PCNX2: variants seen among roughly 807,000 people sequenced by gnomAD.
PCNX2 encodes the protein pecanex-like protein 2.
PCNX2 carries 168 observed loss-of-function variants against 223.8 expected under a neutral mutation model. The ratio of observed to expected loss-of-function variants is 0.75; its 90% CI spans 0.66 to 0.85. PCNX2 has a LOEUF of 0.85. Among genes scored for constraint, PCNX2 ranks in the 40% least tolerant of loss-of-function variants. The probability of loss-of-function intolerance (pLI) is 0.00; values close to 1 mark genes in which losing one functional copy is unlikely to be tolerated. For synonymous variants in PCNX2, 1,006 were observed against 1,052.6 expected, an observed-to-expected ratio of 0.96 and a Z score of 0.86; for missense variants, 2,507 against 2,675.5, an observed-to-expected ratio of 0.94 and a Z score of 1.39.
intron 25 of PCNX2, among the ~76,000 whole-genome samples, chr1:233,043,442 C>T (rs61823474): frequency 6.6e-6 from 1 of 152,082 alleles, no homozygotes; most frequent in East Asian, 1.9e-4. Context: ...TTGTAGGGTA[C>T]ATGTGCACAA....
At chr1:233,163,682 T>A (rs1009938842) in intron 17 of PCNX2, among the ~76,000 whole-genome samples, 1 of 151,894 alleles carries the variant, frequency 6.6e-6, no homozygotes, top group Non-Finnish European at 1.5e-5. Context: ...CTCTTTTGCT[T>A]CTTCCTAATC....
chr1:233,305,703 T>C, the PCNX2 span, among the ~76,000 whole-genome samples: 66 of 152,284 alleles, frequency 4.3e-4, no homozygotes, highest in Admixed American at 2.9e-3. Flanking sequence ...CATCCACCAA[T>C]CTTGGCCTCA....
At chr1:233,064,739 A>C (rs182791617) in intron 23 of PCNX2, among the ~76,000 whole-genome samples, 48 of 152,060 alleles carry the variant, frequency 3.2e-4, no homozygotes, top group African/African-American at 1.1e-3. Context: ...TCTAGGAGGA[A>C]TTTTACCATC....
intron 17 of PCNX2, among the ~76,000 whole-genome samples, chr1:233,174,801 G>A (rs74145092): frequency 0.023 from 3,504 of 152,190 alleles, 136 homozygotes; most frequent in African/African-American, 0.079. Context: ...AACCATTAGC[G>A]GAAAGTTTAT....
intron 1 of PCNX2, among the ~76,000 whole-genome samples, chr1:233,280,978 A>ATCG (rs1469680479): frequency 3.9e-5 from 2 of 51,750 alleles, no homozygotes; most frequent in Non-Finnish European, 8.1e-5. Context: ...CACCATCATG[A>ATCG]TCATCATCAT....
chr1:233,079,751 C>T (rs980875495), intron 23 of PCNX2, among the ~76,000 whole-genome samples: 1 of 152,046 alleles, frequency 6.6e-6, no homozygotes, highest in African/African-American at 2.4e-5. Flanking sequence ...GTCCCTCGGC[C>T]CAGCCTTCCT....
In PCNX2 at chr1:233,022,924, C is replaced by A. The variant is rs186344663; in HGVS notation, c.4605+2222G>T. On this transcript the variant is annotated intron_variant, in intron 26 of 33. Transcript: ENST00000258229. ...GTTGGTCAGGCTGGTCTTGAACTCC[C>A]GACCTCAAGTGATCTGCCTGCCTCG... 2.8e-3 allele frequency among the ~76,000 whole-genome samples: 423 copies of A among 152,052 alleles called. 1 individual carries two copies. The highest frequency in any genetic ancestry group is 6.8e-3 in the Middle Eastern group (2 of 294).
At chr1:233,025,494 G>A (rs1468834548) in intron 25 of PCNX2, 95 bp from the exon 26 acceptor site, 4 of 1,473,816 alleles carry the variant, frequency 2.7e-6, no homozygotes, top group East Asian at 2.3e-5. Context: ...GAGGGGAAGA[G>A]GCTGAAGGGA....
chr1:233,189,070 A>C (rs1680272809), intron 15 of PCNX2, among the ~76,000 whole-genome samples: 1 of 152,184 alleles, frequency 6.6e-6, no homozygotes, highest in South Asian at 2.1e-4. Context: ...ACTTTTAGCC[A>C]GGCACTTTAT....
At chr1:233,172,297 C>T (rs962238977) in intron 17 of PCNX2, 1 of 958,132 alleles carries the variant, frequency 1.0e-6, no homozygotes, top group Non-Finnish European at 1.2e-6. Flanking sequence ...GACAAGGCAA[C>T]CTTCTAGAAA....
chr1:233,100,967 G>T (rs1329569679), intron 21 of PCNX2, among the ~76,000 whole-genome samples: 1 of 152,114 alleles, frequency 6.6e-6, no homozygotes. Flanking sequence ...TGAACTTAAC[G>T]GGGTATACAA....
chr1:233,228,907 G>C (rs967434968), intron 9 of PCNX2, among the ~76,000 whole-genome samples: 3 of 152,186 alleles, frequency 2.0e-5, no homozygotes, highest in Admixed American at 1.3e-4. Flanking sequence ...TTAAGGTTAT[G>C]ATTTCCTCTA....
At chr1:233,160,251 T>C (rs765455764) in intron 19 of PCNX2, 32 bp downstream of exon 19, 3 of 1,594,458 alleles carry the variant, frequency 1.9e-6, no homozygotes, top group Admixed American at 1.7e-5. Context: ...CCCTCCTTTT[T>C]TTTTTTTTTA....
rs930802573 is a variant in PCNX2 at position 233,116,554 on chromosome 1, G to T, written c.3837+18459C>A. Among the ~76,000 whole-genome samples, 7 of 152,194 alleles carry T rather than the reference G, an allele frequency of 4.6e-5. No homozygotes were observed. In the South Asian group the frequency reaches 6.2e-4, roughly 14 times the overall value. ...AATGACATACTTCTAAATAATCCAT[G>T]GATCAAAGAGGAAGTCTTAAGGGGA... On this transcript the variant is annotated intron_variant, in intron 21 of 33. Transcript: ENST00000258229.
chr1:233,282,629 T>A (rs750718775), intron 1 of PCNX2, among the ~76,000 whole-genome samples: 14 of 152,146 alleles, frequency 9.2e-5, no homozygotes, highest in Non-Finnish European at 1.2e-4. Context: ...TTAAATCCTA[T>A]CAAAATCTAT....
intron 17 of PCNX2, among the ~76,000 whole-genome samples, chr1:233,164,363 T>C (rs886960812): frequency 2.0e-5 from 3 of 152,060 alleles, no homozygotes; most frequent in Non-Finnish European, 4.4e-5. Flanking sequence ...ACAGCCATTA[T>C]AGAAAGCAGT....
Position 232,991,986 on chromosome 1 carries a change from A to G in PCNX2, c.5792-5446T>C, listed in dbSNP as rs1205340379. ...GTGAACTGATTTAAGTTTAAATAAA[A>G]TCACTCTGACTTGCTTTGTGGAGAT... is the stretch of plus-strand genomic sequence containing the variant. On this transcript the variant is annotated intron_variant, in intron 32 of 33. Transcript: ENST00000258229. The surrounding 1 kb of genome is among the most constrained non-coding windows in gnomAD (Gnocchi z 4.3). Among the ~76,000 whole-genome samples the G allele has an allele frequency of 6.6e-6, 1 of 152,258 alleles. No individual in the cohort carries two copies. Among genetic ancestry groups the G allele is most frequent in the African/African-American group, 2.4e-5 (1 of 41,466 alleles).
intron 25 of PCNX2, among the ~76,000 whole-genome samples, chr1:233,034,560 A>G (rs750522754): frequency 6.6e-6 from 1 of 152,220 alleles, no homozygotes; most frequent in East Asian, 1.9e-4. Context: ...TTAAGTATTG[A>G]GTGGCAGTGA....
intron 21 of PCNX2, among the ~76,000 whole-genome samples, chr1:233,105,508 T>C (rs1305161822): frequency 6.6e-6 from 1 of 152,122 alleles, no homozygotes; most frequent in Non-Finnish European, 1.5e-5. Context: ...CTGATTAACC[T>C]AAAACAGAAG....
Sources: gnomAD v4.1 joint callset for allele counts (sites outside exome capture counted in the v4.1 genomes callset) on GRCh38, gnomAD v4.1.1 for gene constraint, Gnocchi (gnomAD v3.1) non-coding constraint, MANE v1.5 for transcripts, NCBI Gene and HGNC (gene_info 2026-07-23, HGNC 2026-07-21) for gene names.